Variants in ZAP70 observed in about 807,000 individuals in gnomAD.
The protein encoded by ZAP70 is tyrosine-protein kinase ZAP-70.
A neutral mutation model predicts 65.8 loss-of-function variants in ZAP70; 27 were observed. The observed-to-expected ratio is 0.41, with a 90% confidence interval of 0.30 to 0.57. The LOEUF is 0.57. ZAP70 is among the 20% of genes least tolerant of loss of function. ZAP70 has a pLI of 0.28. For synonymous variants in ZAP70, 363 were observed against 360.8 expected (o/e 1.01, Z -0.07); for missense variants, 696 against 870.5 (o/e 0.80, Z 2.52).
rs199862425 is a variant in ZAP70, at chr2:97,738,138, G to A, written c.1736+31G>A. ...TGCCAGTGGGGAGGGGACCCGGCTGGGCTGACCCCTGGAAAGTCCTGGTGC... is the reference window on the plus strand; with the variant it reads ...TGCCAGTGGGGAGGGGACCCGGCTGAGCTGACCCCTGGAAAGTCCTGGTGC... On this transcript the variant is annotated intron_variant, in intron 13 of 13. Coordinates refer to ENST00000264972, the MANE Select transcript of ZAP70 (RefSeq NM_001079.4). 2.7e-4 allele frequency: 420 copies of A among 1,563,290 alleles called. 2 individuals are homozygous for A. In the South Asian group the frequency reaches 4.2e-3, roughly 16 times the overall value.
chr2:97,728,217 T>C (rs1677467362), intron 4 of ZAP70, among the ~76,000 whole-genome samples: 1 of 152,202 alleles, frequency 6.6e-6, no homozygotes, highest in Non-Finnish European at 1.5e-5. Flanking sequence ...TAAGCAGCTG[T>C]CTGTGCATTG....
At chr2:97,718,067 G>T (rs1677009983) in intron 2 of ZAP70, among the ~76,000 whole-genome samples, 2 of 152,184 alleles carry the variant, frequency 1.3e-5, no homozygotes. Context: ...GTCAGCCTAG[G>T]GAGAACCATA....
intron 2 of ZAP70, among the ~76,000 whole-genome samples, chr2:97,717,497 G>A (rs1227359486): frequency 3.9e-5 from 6 of 152,000 alleles, no homozygotes; most frequent in African/African-American, 1.5e-4. Context: ...GACACGTGGA[G>A]CCTCTGGCTG....
downstream of ZAP70, among the ~76,000 whole-genome samples, chr2:97,744,423 T>C (rs1225400787): frequency 6.6e-6 from 1 of 152,232 alleles, no homozygotes; most frequent in Non-Finnish European, 1.5e-5. Context: ...GGGAGGTTAC[T>C]TAACCTTGGG....
rs776178090 is a variant in ZAP70, at chr2:97,733,193, C to T, written c.771C>T (p.Ser257=). Reference sequence around the variant, plus strand: ...GCCTGAAGGAGGCCTGCCCCAACAGCAGTGCCAGCAACGCCTCAGGTGACG... The same window carrying T: ...GCCTGAAGGAGGCCTGCCCCAACAGTAGTGCCAGCAACGCCTCAGGTGACG... ...IYCLKEACPN[S]SASNASGAAA... is the part of the protein sequence containing the mutation. Residue 257 remains serine (S), a synonymous_variant, in exon 6 of 14, where the codon AGC becomes AGT. Transcript: ENST00000264972. 6.2e-7 allele frequency: 1 copy of T among 1,613,574 alleles called. No homozygotes were observed. Among genetic ancestry groups the T allele is most frequent in the African/African-American group, 1.3e-5 (1 of 74,926 alleles).
chr2:97,737,501 G>C lies in ZAP70; in HGVS notation c.1318G>C (p.Glu440Gln). 6.2e-7 allele frequency: 1 copy of C among 1,614,076 alleles called. No homozygotes were observed. The highest frequency in any genetic ancestry group is 8.5e-7 in the Non-Finnish European group (1 of 1,179,964). ...REEIPVSNVA[E>Q]LLHQVSMGMK... The stretch of plus-strand genomic sequence containing the variant: ...GGAGATCCCTGTGAGCAATGTGGCC[G>C]AGCTGCTGCACCAGGTGTCCATGGG... The change falls in exon 11 of 14, where the codon GAG becomes CAG. Residue 440 changes from glutamate (E) to glutamine (Q), a missense_variant. Glu to Gln is a conservative substitution (Grantham distance 29). Transcript: ENST00000264972. This position sits in a 1 kb window ranked among gnomAD's most constrained non-coding sequence, Gnocchi z 5.0.
At chr2:97,749,338 A>G in the ZAP70 span, among the ~76,000 whole-genome samples, 1 of 152,148 alleles carries the variant, frequency 6.6e-6, no homozygotes, top group South Asian at 2.1e-4. Context: ...AAAGGCACAG[A>G]CTAATAGCAC....
the ZAP70 span, among the ~76,000 whole-genome samples, chr2:97,753,415 T>C: frequency 1.2e-4 from 18 of 152,364 alleles, no homozygotes. Flanking sequence ...CAGACTCATA[T>C]GGAAAATGCC....
intron 4 of ZAP70, among the ~76,000 whole-genome samples, chr2:97,725,703 G>C (rs749115381): frequency 6.6e-6 from 1 of 152,222 alleles, no homozygotes; most frequent in African/African-American, 2.4e-5. Context: ...GGTGGTAAGC[G>C]CCGTGTGTGC....
rs539122081 is a variant in ZAP70 at position 97,732,960 on chromosome 2, G to A, written c.641G>A (p.Ser214Asn). The A allele has an allele frequency of 5.0e-6, 8 of 1,614,144 alleles. No homozygotes were observed. Among genetic ancestry groups the A allele is most frequent in the South Asian group, 3.3e-5 (3 of 91,086 alleles). The change falls in exon 5 of 14, where the codon AGC (serine) becomes AAC (asparagine). Residue 214 changes from serine (S) to asparagine (N), a missense_variant. By Grantham distance (46) the Ser-to-Asn change is conservative (BLOSUM62 1). Coordinates refer to ENST00000264972, the MANE Select transcript of ZAP70 (RefSeq NM_001079.4). ...AAGACGGTGTACCACTACCTCATCA[G>A]CCAAGACAAGGCGGGCAAGTACTGC... ...YGKTVYHYLI[S>N]QDKAGKYCIP...
Position 97,725,229 on chromosome 2 carries a change from G to T in ZAP70, c.540G>T (p.Gly180=). Residue 180 remains glycine, a synonymous_variant, in exon 4 of 14, where the codon GGG becomes GGT. Transcript: ENST00000264972. ...REEAERKLYS[G]AQTDGKFLLR... ...AGGCCGAGCGCAAACTTTACTCTGGGGCGCAGACCGACGGCAAGTTCCTGT... is the reference window on the plus strand; with the variant it reads ...AGGCCGAGCGCAAACTTTACTCTGGTGCGCAGACCGACGGCAAGTTCCTGT... 6.2e-7 allele frequency: 1 copy of T among 1,613,750 alleles called. No homozygotes were observed. Among genetic ancestry groups the T allele is most frequent in the Non-Finnish European group, 8.5e-7 (1 of 1,179,646 alleles).
chr2:97,753,241 T>C, the ZAP70 span, among the ~76,000 whole-genome samples: 1 of 152,206 alleles, frequency 6.6e-6, no homozygotes, highest in African/African-American at 2.4e-5. Context: ...GGAAGACCCC[T>C]TTCCTCCTAA....
intron 4 of ZAP70, among the ~76,000 whole-genome samples, chr2:97,729,633 G>C (rs1032640287): frequency 1.3e-5 from 2 of 152,020 alleles, no homozygotes; most frequent in African/African-American, 2.4e-5. Flanking sequence ...ATTATTTTAA[G>C]AGCAGAGATA....
the ZAP70 span, among the ~76,000 whole-genome samples, chr2:97,756,052 C>T: frequency 6.6e-5 from 10 of 152,190 alleles, no homozygotes; most frequent in Non-Finnish European, 1.5e-4. Context: ...TAAATGGTAG[C>T]AATTACTGCT....
the ZAP70 span, among the ~76,000 whole-genome samples, chr2:97,754,800 A>G: frequency 6.6e-6 from 1 of 152,204 alleles, no homozygotes; most frequent in Non-Finnish European, 1.5e-5. Context: ...GAGAATCCCA[A>G]GACTTGAATT....
intron 13 of ZAP70, 137 bp downstream of exon 13, chr2:97,738,244 G>T: frequency 1.1e-6 from 1 of 874,906 alleles, no homozygotes; most frequent in Non-Finnish European, 1.8e-6. Context: ...CTTTGCAGCT[G>T]CCCCCTACCC....
At chr2:97,724,999 G>GT in intron 3 of ZAP70, 93 bp from the exon 4 acceptor site, 2 of 1,580,234 alleles carry the variant, frequency 1.3e-6, no homozygotes, top group Non-Finnish European at 1.7e-6. Context: ...CCTGGGTGGG[G>GT]TGGGGAGTCC....
chr2:97,720,082 G>T lies in ZAP70; in HGVS notation c.-21-3934G>T, dbSNP rs952660484. ...GTCCCACAGTGTATCTTATTCATCTGTTGGGAAACATGTAAGTTATTCCTA... is the reference window on the plus strand; with the variant it reads ...GTCCCACAGTGTATCTTATTCATCTTTTGGGAAACATGTAAGTTATTCCTA... On this transcript the variant is annotated intron_variant, in intron 2 of 13. Coordinates refer to ENST00000264972, the MANE Select transcript of ZAP70 (RefSeq NM_001079.4). Among the ~76,000 whole-genome samples, 4 of 152,184 alleles carry T rather than the reference G, an allele frequency of 2.6e-5. No homozygotes were observed. In the East Asian group the frequency reaches 7.7e-4, roughly 29 times the overall value.
intron 1 of ZAP70, 29 bp from the exon 2 acceptor site, chr2:97,713,887 G>A (rs1676807592): frequency 2.0e-5 from 3 of 152,478 alleles, no homozygotes; most frequent in South Asian, 2.1e-4. Context: ...AATCCAAACC[G>A]GCTTTGTAAG....
Sources: allele counts gnomAD v4.1 joint callset (sites outside exome capture counted in the v4.1 genomes callset), GRCh38; gene constraint gnomAD v4.1.1; non-coding constraint Gnocchi (gnomAD v3.1); transcripts MANE v1.5; gene names NCBI Gene and HGNC (gene_info 2026-07-23, HGNC 2026-07-21).